Variants in ZBTB43 observed in about 807,000 individuals in gnomAD.
The protein encoded by ZBTB43 is zinc finger and BTB domain-containing protein 43.
ZBTB43 carries 6 observed loss-of-function variants against 31.1 expected under a neutral mutation model. That is an observed-to-expected ratio of 0.19 (90% CI 0.11 to 0.38). The LOEUF is 0.38. ZBTB43 is among the 10% of genes least tolerant of loss of function. The pLI is 1.00. For missense variants in ZBTB43, 379 were observed against 602.1 expected, an observed-to-expected ratio of 0.63 and a Z score of 3.88; for synonymous variants, 212 against 221.7, an observed-to-expected ratio of 0.96 and a Z score of 0.39.
chr9:126,832,576 C>A lies in ZBTB43; in HGVS notation c.67C>A (p.Leu23Met). 6.2e-7 allele frequency: 1 copy of A among 1,614,106 alleles called. No individual in the cohort carries two copies. Among genetic ancestry groups the A allele is most frequent in the Non-Finnish European group, 8.5e-7 (1 of 1,179,952 alleles). The change falls in exon 3 of 3, where the codon CTG becomes ATG. Residue 23 changes from leucine (L) to methionine (M), a missense_variant. Physicochemically the swap from Leu to Met is conservative, Grantham distance 15. Coordinates refer to ENST00000373464, the MANE Select transcript of ZBTB43 (RefSeq NM_014007.4). Reference protein sequence around the residue: ...PDFSSTILQKLNQQRQQGQLC... With the variant: ...PDFSSTILQKMNQQRQQGQLC... Reference sequence around the variant, plus strand: ...TTTTTCCAGCACCATTCTACAGAAACTGAACCAGCAGCGCCAGCAAGGACA... The same window carrying A: ...TTTTTCCAGCACCATTCTACAGAAAATGAACCAGCAGCGCCAGCAAGGACA...
At chr9:126,814,519 C>T (rs1474780002) in intron 2 of ZBTB43, among the ~76,000 whole-genome samples, 9 of 151,450 alleles carry the variant, frequency 5.9e-5, no homozygotes, top group East Asian at 3.9e-4. Context: ...TTGGGCCGGG[C>T]GCGGTGGCTT....
rs887677364 is a variant in ZBTB43, at chr9:126,825,839, T to C, written c.-23-6648T>C. The stretch of plus-strand genomic sequence containing the variant: ...CAGCTTTTTCCATTTGGTTCCTTTT[T>C]ATATTTTTTTTTTTTTTTTTTTTTG... On this transcript the variant is annotated intron_variant, in intron 2 of 2. Coordinates refer to ENST00000373464, the MANE Select transcript of ZBTB43 (RefSeq NM_014007.4). Among the ~76,000 whole-genome samples, 11 of 131,388 alleles carry C rather than the reference T, an allele frequency of 8.4e-5. No individual in the cohort carries two copies. In the South Asian group the frequency reaches 1.2e-3, roughly 15 times the overall value. 86.2% of individuals were successfully genotyped at this position (131,388 alleles called of 152,430 possible). A position where few individuals can be genotyped will look rare whatever the true frequency, so the allele number is the denominator to read the frequency against.
chr9:126,823,005 G>C (rs763260308), intron 2 of ZBTB43, among the ~76,000 whole-genome samples: 56 of 152,072 alleles, frequency 3.7e-4, no homozygotes, highest in Non-Finnish European at 6.8e-4. Context: ...TATATGCACT[G>C]GGATACCAAA....
chr9:126,818,113 CTTTTTCTTTTTTTTTT>C lies in ZBTB43; in HGVS notation c.-24+9205_-24+9220del, dbSNP rs1416916752. On this transcript the variant is annotated intron_variant, in intron 2 of 2. Transcript: ENST00000373464. ...TTCAGCAGTGTTTTGTAGTTTTTTT[CTTTTTCTTTTTTTTTT>C]TTTTTCCTTTTTGGACAGAATCTCC... Among the ~76,000 whole-genome samples the C allele has an allele frequency of 3.5e-5, 5 of 144,836 alleles. No homozygotes were observed. In the East Asian group the frequency reaches 1.0e-3, roughly 29 times the overall value.
chr9:126,809,842 CT>C (rs565506794), intron 2 of ZBTB43, among the ~76,000 whole-genome samples: 22 of 146,990 alleles, frequency 1.5e-4, no homozygotes, highest in South Asian at 4.3e-4. Context: ...CTGCTGGTAT[CT>C]TTTTTTTTTT....
At chr9:126,817,600 C>A (rs974281182) in intron 2 of ZBTB43, among the ~76,000 whole-genome samples, 1 of 151,368 alleles carries the variant, frequency 6.6e-6, no homozygotes, top group Admixed American at 6.6e-5. Context: ...CTCAGCCTCC[C>A]GAGCAGCTGG....
intron 2 of ZBTB43, among the ~76,000 whole-genome samples, chr9:126,809,517 G>T (rs2032196643): frequency 6.6e-6 from 1 of 152,172 alleles, no homozygotes; most frequent in Non-Finnish European, 1.5e-5. Context: ...TAGCTGGTGG[G>T]TCTGCTTCCC....
rs1457706202 is a variant in ZBTB43 at position 126,836,285 on chromosome 9, A to G, written c.*2372A>G. ...AGTTTTGGAAGCAGTCAGTTGTGCT[A>G]GGACTTATTTAATATGTTGTGAAGA... On this transcript the variant is annotated 3_prime_UTR_variant, in exon 3 of 3. Transcript: ENST00000373464. The G allele has an allele frequency of 1.8e-5, 3 of 167,110 alleles. No homozygotes were observed. Among genetic ancestry groups the G allele is most frequent in the African/African-American group, 7.2e-5 (3 of 41,462 alleles). The allele number at this position is 167,110 out of a possible 1,614,324, so 10.4% of individuals were successfully genotyped here. A position where few individuals can be genotyped will look rare whatever the true frequency, so the allele number is the denominator to read the frequency against.
At chr9:126,813,968 C>A (rs763580876) in intron 2 of ZBTB43, among the ~76,000 whole-genome samples, 1 of 151,886 alleles carries the variant, frequency 6.6e-6, no homozygotes, top group Non-Finnish European at 1.5e-5. Flanking sequence ...TCTGTAGCCA[C>A]GTATATTATC....
intron 1 of ZBTB43, among the ~76,000 whole-genome samples, chr9:126,808,140 A>G (rs2032167880): frequency 6.6e-6 from 1 of 152,156 alleles, no homozygotes; most frequent in African/African-American, 2.4e-5. Context: ...ACAGTTAAAA[A>G]CATTTCCTTG....
At chr9:126,813,995 T>C (rs576693942) in intron 2 of ZBTB43, among the ~76,000 whole-genome samples, 2 of 152,194 alleles carry the variant, frequency 1.3e-5, no homozygotes, top group African/African-American at 4.8e-5. Context: ...GTAAATGTCC[T>C]ACAGACAGTA....
chr9:126,820,380 A>G (rs2032483572), intron 2 of ZBTB43, among the ~76,000 whole-genome samples: 1 of 152,182 alleles, frequency 6.6e-6, no homozygotes, highest in African/African-American at 2.4e-5. Flanking sequence ...TAGGGCCCTT[A>G]AGAATTATGC....
At chr9:126,828,646 A>AT (rs199919761) in intron 2 of ZBTB43, among the ~76,000 whole-genome samples, 4,118 of 141,042 alleles carry the variant, frequency 0.029, 192 homozygotes, top group African/African-American at 0.1. Context: ...AATAATAATA[A>AT]TAATAATAAT....
intron 2 of ZBTB43, among the ~76,000 whole-genome samples, chr9:126,825,130 A>C (rs935696028): frequency 6.6e-6 from 1 of 151,880 alleles, no homozygotes; most frequent in Non-Finnish European, 1.5e-5. Context: ...TGGTAGAGAC[A>C]GGTTCTCACT....
intron 2 of ZBTB43, among the ~76,000 whole-genome samples, chr9:126,829,948 T>C (rs997483880): frequency 6.6e-6 from 1 of 152,232 alleles, no homozygotes; most frequent in Non-Finnish European, 1.5e-5. Context: ...TACTATGAAA[T>C]GTTTTAAGAT....
intron 2 of ZBTB43, among the ~76,000 whole-genome samples, chr9:126,822,035 T>G (rs758818491): frequency 1.3e-5 from 2 of 152,162 alleles, no homozygotes; most frequent in Non-Finnish European, 2.9e-5. Context: ...TTTTGTATTT[T>G]TAGTAGAGAC....
chr9:126,808,605 A>G (rs1438000095), intron 1 of ZBTB43, among the ~76,000 whole-genome samples, 188 bp from the exon 2 acceptor site: 1 of 152,222 alleles, frequency 6.6e-6, no homozygotes, highest in African/African-American at 2.4e-5. Flanking sequence ...TTATTACAAA[A>G]TAAGTTTGTT....
chr9:126,832,489 C>T lies in ZBTB43; in HGVS notation c.-21C>T. ...ACTAATTTTTCTTTCTCTTGTAGCA[C>T]CGAACAAGATTTGTGATGAAATGGA... On this transcript the variant is annotated splice_region_variant and 5_prime_UTR_variant, in exon 3 of 3. Coordinates refer to ENST00000373464, the MANE Select transcript of ZBTB43 (RefSeq NM_014007.4). 4.4e-6 allele frequency: 7 copies of T among 1,588,686 alleles called. No individual in the cohort carries two copies. The South Asian group carries it at 6.8e-5, about 15-fold the overall frequency.
intron 2 of ZBTB43, among the ~76,000 whole-genome samples, chr9:126,816,157 G>A (rs570261208): frequency 3.7e-4 from 57 of 152,154 alleles, no homozygotes; most frequent in Non-Finnish European, 6.5e-4. Context: ...TTCTCTCAAG[G>A]ACATTAACGG....
Sources: gnomAD v4.1 joint callset for allele counts (sites outside exome capture counted in the v4.1 genomes callset) on GRCh38, gnomAD v4.1.1 for gene constraint, MANE v1.5 for transcripts, NCBI Gene and HGNC (gene_info 2026-07-23, HGNC 2026-07-21) for gene names.